The following CRTAM variants were observed in gnomAD, a reference collection of about 807,000 sequenced individuals.
CRTAM encodes the protein cytotoxic and regulatory T-cell molecule.
Under a neutral mutation model 50.0 loss-of-function variants are expected in CRTAM, and 44 were observed. The observed-to-expected ratio is 0.88, with a 90% CI of 0.69 to 1.13. CRTAM has a LOEUF of 1.13. Among genes scored for constraint, CRTAM ranks in the 50% most tolerant of loss-of-function variants. The probability of loss-of-function intolerance (pLI) is 0.00; values close to 1 mark genes in which losing one functional copy is unlikely to be tolerated. For synonymous variants in CRTAM, 159 were observed against 169.3 expected, an observed-to-expected ratio of 0.94 and a Z score of 0.47; for missense variants, 448 against 457.5, an observed-to-expected ratio of 0.98 and a Z score of 0.19.
At chr11:122,861,428 T>A (rs1199192901) in intron 5 of CRTAM, among the ~76,000 whole-genome samples, 2 of 74,940 alleles carry the variant, frequency 2.7e-5, no homozygotes, top group East Asian at 3.0e-4. Context: ...ATATTTTTTT[T>A]TTTTTTTTTT....
At position 122,871,464 on chromosome 11, in the gene CRTAM, G is replaced by A; in HGVS notation, c.*65G>A. On this transcript the variant is annotated 3_prime_UTR_variant, in exon 10 of 10. Coordinates refer to ENST00000227348, the MANE Select transcript of CRTAM (RefSeq NM_019604.4). ...AGTGTCACCTCAGTGGACCAGCCTG[G>A]GGGAAGGAGCTTAATTGCTGAGACA... 6.9e-7 allele frequency: 1 copy of A among 1,453,584 alleles called. No homozygotes were observed. The highest frequency in any genetic ancestry group is 9.4e-7 in the Non-Finnish European group (1 of 1,065,312). 90.0% of individuals were successfully genotyped at this position (1,453,584 alleles called of 1,614,324 possible).
chr11:122,868,004 T>A lies in CRTAM; in HGVS notation c.965-9T>A. The A allele has an allele frequency of 6.3e-7, 1 of 1,575,530 alleles. No homozygotes were observed. The highest frequency in any genetic ancestry group is 1.4e-5 in the African/African-American group (1 of 73,972). On this transcript the variant is annotated splice_polypyrimidine_tract_variant and intron_variant, in intron 8 of 9. Coordinates refer to ENST00000227348, the MANE Select transcript of CRTAM (RefSeq NM_019604.4). The stretch of plus-strand genomic sequence containing the variant: ...CAGAAATTAGTTGCTTGATTTTCTT[T>A]TTTTGTAGAAAACGAAGTTTCAGAA...
At chr11:122,870,029 TCTGTTAG>T (rs1021713951) in intron 9 of CRTAM, among the ~76,000 whole-genome samples, 2 of 152,192 alleles carry the variant, frequency 1.3e-5, no homozygotes, top group African/African-American at 2.4e-5. Context: ...TAGAATTATG[TCTGTTAG>T]CTGGAAAAAT....
At chr11:122,864,545 C>T (rs976748000) in intron 6 of CRTAM, 91 bp from the exon 7 acceptor site, 1 of 818,532 alleles carries the variant, frequency 1.2e-6, no homozygotes, top group African/African-American at 1.8e-5. Flanking sequence ...GCTTCCCAAG[C>T]TGCTCTGGGA....
intron 7 of CRTAM, among the ~76,000 whole-genome samples, chr11:122,867,023 C>T (rs1237068142): frequency 6.6e-6 from 1 of 152,128 alleles, no homozygotes; most frequent in Non-Finnish European, 1.5e-5. Context: ...TTTTTAAACT[C>T]CTTAACAATC....
chr11:122,854,107 CTT>C (rs758219282), intron 4 of CRTAM, 21 bp downstream of exon 4: 5 of 1,603,260 alleles, frequency 3.1e-6, no homozygotes, highest in Admixed American at 1.7e-5. Context: ...AAATGGTTCT[CTT>C]TGTCTTCCTT....
At chr11:122,866,509 T>C (rs1862176791) in intron 7 of CRTAM, among the ~76,000 whole-genome samples, 1 of 152,108 alleles carries the variant, frequency 6.6e-6, no homozygotes. Context: ...GTTCTACACA[T>C]AGCTGGCACT....
intron 5 of CRTAM, 39 bp from the exon 6 acceptor site, chr11:122,862,425 T>A (rs1862098306): frequency 7.7e-7 from 1 of 1,295,002 alleles, no homozygotes; most frequent in Non-Finnish European, 1.1e-6. Flanking sequence ...GTAAAACTGC[T>A]CTCTATAGTA....
chr11:122,864,910 G>C (rs2135252617), intron 7 of CRTAM, among the ~76,000 whole-genome samples, 191 bp downstream of exon 7: 1 of 152,164 alleles, frequency 6.6e-6, no homozygotes, highest in Admixed American at 6.5e-5. Context: ...TCCTGGTTCT[G>C]TTATTTGTTG....
chr11:122,848,313 T>C (rs1358664916), intron 1 of CRTAM, among the ~76,000 whole-genome samples: 1 of 152,366 alleles, frequency 6.6e-6, no homozygotes, highest in East Asian at 1.9e-4. Flanking sequence ...AGAAATTCTA[T>C]TGTCATTCTC....
At chr11:122,851,424 A>G (rs1391733176) in intron 2 of CRTAM, among the ~76,000 whole-genome samples, 3 of 152,240 alleles carry the variant, frequency 2.0e-5, no homozygotes, top group African/African-American at 7.2e-5. Flanking sequence ...ATTCTGTTAC[A>G]TAATGCTTTT....
At chr11:122,841,709 A>G (rs1183272198) in intron 1 of CRTAM, among the ~76,000 whole-genome samples, 3 of 152,058 alleles carry the variant, frequency 2.0e-5, no homozygotes, top group Non-Finnish European at 4.4e-5. Context: ...CTATTTACTC[A>G]TTTTTATCCA....
chr11:122,850,031 C>A (rs767240525), intron 1 of CRTAM, 37 bp from the exon 2 acceptor site: 3 of 1,546,726 alleles, frequency 1.9e-6, no homozygotes, highest in South Asian at 2.4e-5. Context: ...CACTGTGGAC[C>A]CCCGGCCTGA....
intron 5 of CRTAM, among the ~76,000 whole-genome samples, chr11:122,857,023 G>A (rs571107380): frequency 6.6e-6 from 1 of 151,822 alleles, no homozygotes; most frequent in Admixed American, 6.6e-5. Flanking sequence ...TTCTTCAATA[G>A]GAGAACCAAC....
chr11:122,860,992 C>T (rs548455496), intron 5 of CRTAM, among the ~76,000 whole-genome samples: 4 of 152,232 alleles, frequency 2.6e-5, no homozygotes, highest in South Asian at 2.1e-4. Context: ...CCATTGTGCC[C>T]GGCCCCATAT....
At chr11:122,841,987 T>C (rs1444142486) in intron 1 of CRTAM, among the ~76,000 whole-genome samples, 2 of 152,168 alleles carry the variant, frequency 1.3e-5, no homozygotes, top group African/African-American at 2.4e-5. Context: ...AGTTGAGTCT[T>C]GAGTTGGGTC....
chr11:122,840,820 G>T (rs1278931753), intron 1 of CRTAM, among the ~76,000 whole-genome samples: 1 of 151,480 alleles, frequency 6.6e-6, no homozygotes, highest in Non-Finnish European at 1.5e-5. Flanking sequence ...AAAAAGTCAC[G>T]TAATCTCAGA....
At chr11:122,868,605 A>G (rs1862213272) in intron 9 of CRTAM, among the ~76,000 whole-genome samples, 1 of 152,180 alleles carries the variant, frequency 6.6e-6, no homozygotes, top group South Asian at 2.1e-4. Flanking sequence ...TCTCCTCTAG[A>G]AACAACCTCA....
At chr11:122,848,176 G>C (rs1376822366) in intron 1 of CRTAM, among the ~76,000 whole-genome samples, 1 of 152,208 alleles carries the variant, frequency 6.6e-6, no homozygotes, top group Non-Finnish European at 1.5e-5. Context: ...CTCCCTGAGT[G>C]AGTCTAACAT....
Sources: gnomAD v4.1 joint callset for allele counts (sites outside exome capture counted in the v4.1 genomes callset) on GRCh38, gnomAD v4.1.1 for gene constraint, MANE v1.5 for transcripts, NCBI Gene and HGNC (gene_info 2026-07-23, HGNC 2026-07-21) for gene names.